SLC6A20: variants seen among roughly 807,000 people sequenced by gnomAD.
SLC6A20 encodes sodium- and chloride-dependent transporter XTRP3.
Under a neutral mutation model 64.3 loss-of-function variants are expected in SLC6A20, and 73 were observed. The observed-to-expected ratio is 1.14, with a 90% CI of 0.94 to 1.38. The LOEUF is 1.38. Ranked by LOEUF, SLC6A20 falls within the 40% of genes most tolerant of loss-of-function variation. The probability of loss-of-function intolerance (pLI) is 0.00; values close to 1 mark genes in which losing one functional copy is unlikely to be tolerated. For missense variants in SLC6A20, 725 were observed against 772.8 expected (o/e 0.94, Z 0.73); for synonymous variants, 347 against 329.6 (o/e 1.05, Z -0.57).
At chr3:45,781,938 A>G in intron 2 of SLC6A20, 145 bp downstream of exon 2, 1 of 1,152,342 alleles carries the variant, frequency 8.7e-7, no homozygotes, top group Non-Finnish European at 1.1e-6. Flanking sequence ...CATCCCCACC[A>G]GGCCATTTGT....
chr3:45,779,942 G>C lies in SLC6A20; in HGVS notation c.354+67C>G, dbSNP rs745472213. On this transcript the variant is annotated intron_variant, in intron 3 of 10. Transcript: ENST00000358525. ...TTGCCCCACACCCCCTTCCCCGAGCGGGTGGCCCTGTTTTTCTCTCCCTTT... is the reference window on the plus strand; with the variant it reads ...TTGCCCCACACCCCCTTCCCCGAGCCGGTGGCCCTGTTTTTCTCTCCCTTT... The C allele has an allele frequency of 3.3e-6, 5 of 1,504,022 alleles. No individual in the cohort carries two copies. The African/African-American group carries it at 5.6e-5, about 17-fold the overall frequency. 93.2% of individuals were successfully genotyped at this position (1,504,022 alleles called of 1,614,324 possible). A position where few individuals can be genotyped will look rare whatever the true frequency, so the allele number is the denominator to read the frequency against.
intron 2 of SLC6A20, among the ~76,000 whole-genome samples, 183 bp from the exon 3 acceptor site, chr3:45,780,283 G>A (rs972802691): frequency 1.2e-4 from 19 of 152,230 alleles, no homozygotes; most frequent in Admixed American, 3.9e-4. Context: ...TGGGAAGGGT[G>A]ATTTCTTTTT....
rs1189300639 is a variant in SLC6A20, at chr3:45,756,288, TG to T, written c.*2689del. 1.3e-5 allele frequency: 2 copies of T among 152,008 alleles called. No individual in the cohort carries two copies. The highest frequency in any genetic ancestry group is 2.9e-5 in the Non-Finnish European group (2 of 68,042). The allele number at this position is 152,008 out of a possible 1,614,324, so 9.4% of individuals were successfully genotyped here. A position where few individuals can be genotyped will look rare whatever the true frequency, so the allele number is the denominator to read the frequency against. On this transcript the variant is annotated 3_prime_UTR_variant, in exon 11 of 11. Coordinates refer to ENST00000358525, the MANE Select transcript of SLC6A20 (RefSeq NM_020208.4). ...TGAGTTGTAAGACGGTGACTGTGAG[TG>T]GGGATTGAGAGGAGGGCCAGATCCT...
rs1699891056 is a variant in SLC6A20, at chr3:45,772,503, A to T, written c.693+2T>A. ...GTAGGGCCCTTCCGCTTCAGCCCGT[A>T]CCTTGGGAGTGAACATGTACATGAG... On this transcript the variant is annotated splice_donor_variant, in intron 5 of 10. Coordinates refer to ENST00000358525, the MANE Select transcript of SLC6A20 (RefSeq NM_020208.4). LOFTEE classifies it high-confidence loss of function. The T allele has an allele frequency of 6.2e-7, 1 of 1,611,010 alleles. No individual in the cohort carries two copies. Among genetic ancestry groups the T allele is most frequent in the Non-Finnish European group, 8.5e-7 (1 of 1,178,652 alleles).
At chr3:45,783,472 C>T (rs1038055539) in intron 1 of SLC6A20, among the ~76,000 whole-genome samples, 1 of 152,258 alleles carries the variant, frequency 6.6e-6, no homozygotes, top group African/African-American at 2.4e-5. Context: ...CTCCCAATCA[C>T]AGACCTTTGC....
At chr3:45,776,889 G>GC (rs1461006835) in intron 3 of SLC6A20, among the ~76,000 whole-genome samples, 3 of 152,296 alleles carry the variant, frequency 2.0e-5, no homozygotes, top group African/African-American at 7.2e-5. Flanking sequence ...CTCCAGGTGT[G>GC]CCCCCATAGG....
chr3:45,792,533 G>A (rs1700273082), intron 1 of SLC6A20, among the ~76,000 whole-genome samples: 1 of 152,218 alleles, frequency 6.6e-6, no homozygotes, highest in South Asian at 2.1e-4. Flanking sequence ...GTGAGCAGCA[G>A]GGGCCCCTGA....
chr3:45,780,045 G>C lies in SLC6A20; in HGVS notation c.318C>G (p.Asn106Lys), dbSNP rs145298212. 1 of 1,604,928 alleles carries C rather than the reference G, an allele frequency of 6.2e-7. No individual in the cohort carries two copies. The highest frequency in any genetic ancestry group is 8.5e-7 in the Non-Finnish European group (1 of 1,175,712). ...FFLSMYYNVI[N>K]AWAFWYLFHS... ...GGAAGAGGTACCAGAAGGCCCAGGC[G>C]TTGATGACGTTGTAGTACATGGAGA... Residue 106 changes from asparagine (N) to lysine (K), a missense_variant, in exon 3 of 11, where the codon AAC becomes AAG. Transcript: ENST00000358525.
chr3:45,796,461 G>A lies in SLC6A20; in HGVS notation c.-42C>T. On this transcript the variant is annotated 5_prime_UTR_variant, in exon 1 of 11. Coordinates refer to ENST00000358525, the MANE Select transcript of SLC6A20 (RefSeq NM_020208.4). ...CGCTCGGCTCCGGCTCGGGGGTCCG[G>A]CACGGCAGTCTCAGTGCGCGGTCGC... The A allele has an allele frequency of 6.3e-7, 1 of 1,589,002 alleles. No homozygotes were observed. Among genetic ancestry groups the A allele is most frequent in the African/African-American group, 1.4e-5 (1 of 72,700 alleles).
chr3:45,780,184 C>T (rs982415029), intron 2 of SLC6A20, 84 bp from the exon 3 acceptor site: 6 of 1,352,484 alleles, frequency 4.4e-6, no homozygotes, highest in African/African-American at 4.4e-5. Flanking sequence ...CCAGGACACA[C>T]CTGTGGCGAC....
chr3:45,768,493 AG>A (rs1699809358), intron 7 of SLC6A20, among the ~76,000 whole-genome samples: 1 of 152,242 alleles, frequency 6.6e-6, no homozygotes, highest in African/African-American at 2.4e-5. Context: ...CTGAAGCCAA[AG>A]GACCTCATGG....
At position 45,788,266 on chromosome 3, in the gene SLC6A20, A is replaced by G. The variant is rs928696524; in HGVS notation, c.122-6043T>C. On this transcript the variant is annotated intron_variant, in intron 1 of 10. Transcript: ENST00000358525. ...TGATACCCTGTTTCCAAAAAAAAAA[A>G]AAAATGATAAAAAAGAAAAAGAAAG... Among the ~76,000 whole-genome samples, 13 of 152,188 alleles carry G rather than the reference A, an allele frequency of 8.5e-5. No individual in the cohort carries two copies. In the East Asian group the frequency reaches 2.3e-3, roughly 27 times the overall value.
In SLC6A20 at chr3:45,756,108, A is replaced by C. The variant is rs1292399221; in HGVS notation, c.*2870T>G. On this transcript the variant is annotated 3_prime_UTR_variant, in exon 11 of 11. Transcript: ENST00000358525. ...GGTGGCCCCAGGGTGTGGTGTGGGC[A>C]TCTGGAGTTTTAAATGCTCCCAGGT... 1 of 152,304 alleles carries C rather than the reference A, an allele frequency of 6.6e-6. No individual in the cohort carries two copies. The highest frequency in any genetic ancestry group is 1.9e-4 in the East Asian group (1 of 5,196). The allele number at this position is 152,304 out of a possible 1,614,324, so 9.4% of individuals were successfully genotyped here.
chr3:45,759,736 A>T, intron 10 of SLC6A20, 121 bp downstream of exon 10: 1 of 1,256,802 alleles, frequency 8.0e-7, no homozygotes, highest in Non-Finnish European at 1.1e-6. Context: ...TGATATTTCC[A>T]TGTCGTGACA....
At chr3:45,777,321 C>T (rs546538854) in intron 3 of SLC6A20, among the ~76,000 whole-genome samples, 1 of 149,660 alleles carries the variant, frequency 6.7e-6, no homozygotes, top group South Asian at 2.1e-4. Flanking sequence ...CCCACCCCTG[C>T]AATACCTCCC....
At chr3:45,763,887 C>T (rs958435184) in intron 8 of SLC6A20, among the ~76,000 whole-genome samples, 2 of 152,172 alleles carry the variant, frequency 1.3e-5, no homozygotes, top group African/African-American at 2.4e-5. Flanking sequence ...GCTATCCCGA[C>T]GGGGACACAC....
chr3:45,794,018 T>G lies in SLC6A20; in HGVS notation c.121+2281A>C, dbSNP rs184777312. Among the ~76,000 whole-genome samples, 51 of 152,314 alleles carry G rather than the reference T, an allele frequency of 3.3e-4. No individual in the cohort carries two copies. The East Asian group carries it at 8.7e-3, about 26-fold the overall frequency. ...TGTGACTCCATCACATCACAGAGGTTGGGCCGGGCGGAGACAGAGAAACTG... is the reference window on the plus strand; with the variant it reads ...TGTGACTCCATCACATCACAGAGGTGGGGCCGGGCGGAGACAGAGAAACTG... On this transcript the variant is annotated intron_variant, in intron 1 of 10. Transcript: ENST00000358525.
chr3:45,776,209 C>T (rs569794807), intron 3 of SLC6A20, among the ~76,000 whole-genome samples: 5 of 152,214 alleles, frequency 3.3e-5, no homozygotes, highest in South Asian at 2.1e-4. Flanking sequence ...GCTCTACTCT[C>T]GTTGCAATTC....
intron 3 of SLC6A20, among the ~76,000 whole-genome samples, chr3:45,777,193 C>T (rs1279128767): frequency 6.6e-6 from 1 of 152,200 alleles, no homozygotes; most frequent in African/African-American, 2.4e-5. Flanking sequence ...TCACAGGAGA[C>T]AGAACCAAGG....
Sources: allele counts gnomAD v4.1 joint callset (sites outside exome capture counted in the v4.1 genomes callset), GRCh38; gene constraint gnomAD v4.1.1; transcripts MANE v1.5; gene names NCBI Gene and HGNC (gene_info 2026-07-23, HGNC 2026-07-21).